The following ESYT2 variants were observed in gnomAD, a reference collection of about 807,000 sequenced individuals.
The protein encoded by ESYT2 is extended synaptotagmin-2.
A neutral mutation model predicts 107.2 loss-of-function variants in ESYT2; 54 were observed. The ratio of observed to expected loss-of-function variants is 0.50; its 90% CI spans 0.40 to 0.63. The LOEUF (loss-of-function observed/expected upper bound fraction) is 0.63. ESYT2 is among the 30% of genes least tolerant of loss of function. The probability of loss-of-function intolerance (pLI) is 0.00; values close to 1 mark genes in which losing one functional copy is unlikely to be tolerated. For missense variants in ESYT2, 1,020 were observed against 1,094.5 expected, an observed-to-expected ratio of 0.93 and a Z score of 0.96; for synonymous variants, 491 against 434.1, an observed-to-expected ratio of 1.13 and a Z score of -1.63.
intron 17 of ESYT2, 53 bp from the exon 18 acceptor site, chr7:158,741,949 T>C: frequency 6.7e-7 from 1 of 1,503,014 alleles, no homozygotes; most frequent in Non-Finnish European, 8.9e-7. Context: ...GGTAACATCC[T>C]AATACTGGAA....
At chr7:158,815,388 C>G (rs987958109) in intron 1 of ESYT2, among the ~76,000 whole-genome samples, 1 of 152,164 alleles carries the variant, frequency 6.6e-6, no homozygotes, top group Non-Finnish European at 1.5e-5. Context: ...CATTTCTACA[C>G]CCTGGGGTGG....
At chr7:158,810,688 GA>G (rs35849036) in intron 1 of ESYT2, among the ~76,000 whole-genome samples, 2,139 of 149,660 alleles carry the variant, frequency 0.014, 18 homozygotes, top group African/African-American at 0.02. Flanking sequence ...TCTTGGGGGG[GA>G]AAAAAAAAGG....
At chr7:158,798,779 AAAG>A (rs1326496965) in intron 2 of ESYT2, among the ~76,000 whole-genome samples, 2 of 152,288 alleles carry the variant, frequency 1.3e-5, no homozygotes, top group East Asian at 3.9e-4. Context: ...GCTGTTCAGA[AAAG>A]AAGACACATG....
intron 20 of ESYT2, among the ~76,000 whole-genome samples, chr7:158,736,764 C>A (rs1254118901): frequency 6.6e-6 from 1 of 152,110 alleles, no homozygotes; most frequent in Admixed American, 6.5e-5. Flanking sequence ...ACAGATATAA[C>A]CCCCAAAAAT....
chr7:158,829,211 GCAGCGC>G lies in ESYT2; in HGVS notation c.202_207del (p.Ala68_Leu69del). The G allele has an allele frequency of 6.5e-7, 1 of 1,530,782 alleles. No homozygotes were observed. The highest frequency in any genetic ancestry group is 8.7e-7 in the Non-Finnish European group (1 of 1,146,388). The allele number at this position is 1,530,782 out of a possible 1,614,324, so 94.8% of individuals were successfully genotyped here. A position where few individuals can be genotyped will look rare whatever the true frequency, so the allele number is the denominator to read the frequency against. On this transcript the variant is annotated inframe_deletion, in exon 1 of 23. Transcript: ENST00000275418. ...CCGCGGCTGCGGCGACACCAGGCGA[GCAGCGC>G]GAGCGCGAGGAGAACCCAGCTGAAG...
chr7:158,825,540 C>T (rs994549314), intron 1 of ESYT2, among the ~76,000 whole-genome samples: 2 of 152,214 alleles, frequency 1.3e-5, no homozygotes, highest in African/African-American at 2.4e-5. Context: ...AGAATTATCA[C>T]AGTTAAGTGA....
intron 6 of ESYT2, among the ~76,000 whole-genome samples, chr7:158,783,166 G>A (rs1432994441): frequency 1.3e-5 from 2 of 152,174 alleles, no homozygotes; most frequent in African/African-American, 4.8e-5. Context: ...GCTTTTCTAC[G>A]AGAAGCAGAA....
chr7:158,812,854 C>T (rs376334432), intron 1 of ESYT2, among the ~76,000 whole-genome samples: 1 of 152,158 alleles, frequency 6.6e-6, no homozygotes, highest in South Asian at 2.1e-4. Flanking sequence ...TACATGCCTC[C>T]GTTTACAGGA....
chr7:158,828,088 T>C lies in ESYT2; in HGVS notation c.330+1001A>G, dbSNP rs184741543. Among the ~76,000 whole-genome samples, 65 of 152,266 alleles carry C rather than the reference T, an allele frequency of 4.3e-4. No individual in the cohort carries two copies. In the East Asian group the frequency reaches 0.012, roughly 29 times the overall value. ...TCACACTGGATTCAGGTCGATCCCATATAAAAATGCTCAGTCTCACAATTA... is the reference window on the plus strand; with the variant it reads ...TCACACTGGATTCAGGTCGATCCCACATAAAAATGCTCAGTCTCACAATTA... On this transcript the variant is annotated intron_variant, in intron 1 of 22. Transcript: ENST00000275418.
At chr7:158,809,499 C>CAAAAAAAAAAA (rs1839934303) in intron 1 of ESYT2, among the ~76,000 whole-genome samples, 1 of 108,580 alleles carries the variant, frequency 9.2e-6, no homozygotes, top group South Asian at 2.7e-4. Flanking sequence ...AAAAAAAAAC[C>CAAAAAAAAAAA]AGGGGGGATG....
intron 13 of ESYT2, among the ~76,000 whole-genome samples, chr7:158,756,877 C>T (rs1250006381): frequency 6.8e-6 from 1 of 147,252 alleles, no homozygotes; most frequent in East Asian, 2.0e-4. Context: ...CCATTGCACT[C>T]CAGCCTGGGC....
intron 9 of ESYT2, among the ~76,000 whole-genome samples, chr7:158,763,822 C>T (rs1449803446): frequency 6.6e-6 from 1 of 152,150 alleles, no homozygotes; most frequent in Non-Finnish European, 1.5e-5. Flanking sequence ...CAGGACACAT[C>T]CCTCTAGTCC....
Position 158,741,641 on chromosome 7 carries a change from T to C in ESYT2, c.2050A>G (p.Ser684Gly). The change falls in exon 18 of 23, where the codon AGC (serine) becomes GGC (glycine). Residue 684 changes from serine (S) to glycine (G), a missense_variant. Physicochemically the swap from Ser to Gly is moderately conservative, Grantham distance 56. Transcript: ENST00000275418. ...ATGTGGCCTGGGGAGGCCAGGAGGCTGGAGGAGCTTCTGCCCAGGTCGTGC... is the reference window on the plus strand; with the variant it reads ...ATGTGGCCTGGGGAGGCCAGGAGGCCGGAGGAGCTTCTGCCCAGGTCGTGC... ...GLHDLGRSSS[S>G]LLASPGHISV... is the part of the protein sequence containing the mutation. 1 of 1,613,716 alleles carries C rather than the reference T, an allele frequency of 6.2e-7. No homozygotes were observed. The highest frequency in any genetic ancestry group is 1.1e-5 in the South Asian group (1 of 91,076).
chr7:158,809,963 G>A (rs758586356), intron 1 of ESYT2, among the ~76,000 whole-genome samples: 1 of 152,192 alleles, frequency 6.6e-6, no homozygotes, highest in South Asian at 2.1e-4. Flanking sequence ...TGCCCAATTT[G>A]TGAATCATTC....
intron 18 of ESYT2, among the ~76,000 whole-genome samples, chr7:158,740,782 G>A (rs939998741): frequency 2.6e-5 from 4 of 152,168 alleles, no homozygotes; most frequent in Non-Finnish European, 5.9e-5. Flanking sequence ...GTGTGGCTCA[G>A]AGGAGGGCGG....
intron 6 of ESYT2, among the ~76,000 whole-genome samples, chr7:158,787,586 G>C (rs1437799300): frequency 1.3e-5 from 2 of 152,198 alleles, no homozygotes; most frequent in South Asian, 4.1e-4. Context: ...CTGTATACAG[G>C]CTCTTATTAA....
In ESYT2 at chr7:158,737,109, G is replaced by A. The variant is rs1416136479; in HGVS notation, c.2338C>T (p.Arg780Trp). The A allele has an allele frequency of 3.1e-6, 5 of 1,613,844 alleles. No homozygotes were observed. The highest frequency in any genetic ancestry group is 4.2e-6 in the Non-Finnish European group (5 of 1,179,874). Residue 780 changes from arginine to tryptophan, a missense_variant, in exon 20 of 23, where the codon CGG becomes TGG. Transcript: ENST00000275418. ...ACGTGTGTTTTCCTCCTTCCTGACC[G>A]CCTCTTGTCTGGTAATAAATACATG... ...VRMYLLPDKR[R>W]SGRRKTHVSK...
chr7:158,731,314 T>G lies in ESYT2; in HGVS notation c.*2893A>C, dbSNP rs1836738647. On this transcript the variant is annotated 3_prime_UTR_variant, in exon 23 of 23. Coordinates refer to ENST00000275418, the MANE Select transcript of ESYT2 (RefSeq NM_001367773.1). ...TACAAGGCTGCTTCTATTTTATTTATTTTTTGAGACGGAGTCTCACTCTGT... is the reference window on the plus strand; with the variant it reads ...TACAAGGCTGCTTCTATTTTATTTAGTTTTTGAGACGGAGTCTCACTCTGT... 1 of 152,300 alleles carries G rather than the reference T, an allele frequency of 6.6e-6. No individual in the cohort carries two copies. Among genetic ancestry groups the G allele is most frequent in the South Asian group, 2.1e-4 (1 of 4,834 alleles). 9.4% of individuals were successfully genotyped at this position (152,300 alleles called of 1,614,324 possible). A position where few individuals can be genotyped will look rare whatever the true frequency, so the allele number is the denominator to read the frequency against.
intron 13 of ESYT2, among the ~76,000 whole-genome samples, chr7:158,754,661 T>A (rs1191029314): frequency 6.6e-6 from 1 of 152,176 alleles, no homozygotes; most frequent in Non-Finnish European, 1.5e-5. Flanking sequence ...GAATTCCACA[T>A]ACAGACTGAT....
Sources: gnomAD v4.1 joint callset for allele counts (sites outside exome capture counted in the v4.1 genomes callset) on GRCh38, gnomAD v4.1.1 for gene constraint, MANE v1.5 for transcripts, NCBI Gene and HGNC (gene_info 2026-07-23, HGNC 2026-07-21) for gene names.